Variants in PML observed in about 807,000 individuals in gnomAD.
PML encodes the protein PML nuclear body scaffold, also known as protein PML.
A neutral mutation model predicts 65.2 loss-of-function variants in PML; 28 were observed. That is an observed-to-expected ratio of 0.43 (90% CI 0.32 to 0.59). PML has a LOEUF of 0.59. PML is among the 20% of genes least tolerant of loss of function. The probability of loss-of-function intolerance (pLI) is 0.08; values close to 1 mark genes in which losing one functional copy is unlikely to be tolerated. For synonymous variants in PML, 500 were observed against 508.8 expected, an observed-to-expected ratio of 0.98 and a Z score of 0.23; for missense variants, 1,021 against 1,203.4, an observed-to-expected ratio of 0.85 and a Z score of 2.24.
intron 2 of PML, among the ~76,000 whole-genome samples, chr15:74,017,717 G>C (rs1476599802): frequency 2.0e-5 from 3 of 152,172 alleles, no homozygotes; most frequent in African/African-American, 7.2e-5. Context: ...ATAGATGCCA[G>C]GGACTACATC....
chr15:74,023,242 C>T lies in PML; in HGVS notation c.1017C>T (p.Tyr339=), dbSNP rs749092993. ...GSALVQRMKC[Y]ASDQEVLDMH... ...CGCTGGTGCAGAGGATGAAGTGCTA[C>T]GCCTCGGACCAGGAGGTGCTGGACA... The change falls in exon 3 of 9, where the codon TAC becomes TAT. Residue 339 remains tyrosine, a synonymous_variant. Coordinates refer to ENST00000268058, the MANE Select transcript of PML (RefSeq NM_033238.3). The T allele has an allele frequency of 1.2e-6, 2 of 1,610,914 alleles. No individual in the cohort carries two copies. The highest frequency in any genetic ancestry group is 1.3e-5 in the African/African-American group (1 of 74,890).
At chr15:74,038,841 C>T (rs1385658929) in intron 7 of PML, among the ~76,000 whole-genome samples, 1 of 152,188 alleles carries the variant, frequency 6.6e-6, no homozygotes, top group African/African-American at 2.4e-5. Flanking sequence ...TCACCTGTGT[C>T]CTAGGGATTC....
At position 74,023,154 on chromosome 15, in the gene PML, A is replaced by C; in HGVS notation, c.929A>C (p.Glu310Ala). 6.2e-7 allele frequency: 1 copy of C among 1,605,308 alleles called. No individual in the cohort carries two copies. Among genetic ancestry groups the C allele is most frequent in the Non-Finnish European group, 8.5e-7 (1 of 1,177,768 alleles). Reference protein sequence around the residue: ...AVDARYQRDYEEMASRLGRLD... With the variant: ...AVDARYQRDYAEMASRLGRLD... ...GACGCGCGGTACCAGCGCGACTACG[A>C]GGAGATGGCCAGTCGGCTGGGCCGC... Residue 310 changes from glutamate (E) to alanine (A), a missense_variant, in exon 3 of 9, where the codon GAG becomes GCG. Glu to Ala is a moderately radical substitution (Grantham distance 107, BLOSUM62 -1). Coordinates refer to ENST00000268058, the MANE Select transcript of PML (RefSeq NM_033238.3).
In PML at chr15:74,046,163, G is replaced by T; in HGVS notation, c.*1155G>T. On this transcript the variant is annotated 3_prime_UTR_variant, in exon 9 of 9. Coordinates refer to ENST00000268058, the MANE Select transcript of PML (RefSeq NM_033238.3). The stretch of plus-strand genomic sequence containing the variant: ...TGGCTGTGCCATCCTGCATTTTTAG[G>T]AATGGAAAGCAGGCCTCTGAGGCAG... 4.3e-6 allele frequency: 1 copy of T among 233,102 alleles called. No homozygotes were observed. 14.4% of individuals were successfully genotyped at this position (233,102 alleles called of 1,614,324 possible). A position where few individuals can be genotyped will look rare whatever the true frequency, so the allele number is the denominator to read the frequency against.
Position 74,022,936 on chromosome 15 carries a change from G to C in PML, c.711G>C (p.Gln237His), listed in dbSNP as rs780804100. 1.2e-6 allele frequency: 2 copies of C among 1,612,002 alleles called. No homozygotes were observed. The highest frequency in any genetic ancestry group is 1.7e-6 in the Non-Finnish European group (2 of 1,179,208). ...TCAGCGCAGAGATCCAGCAGCGACA[G>C]GAGGAGCTGGACGCCATGACGCAGG... is the stretch of plus-strand genomic sequence containing the variant. ...CDISAEIQQRQEELDAMTQAL... is the reference protein window; with the variant it reads ...CDISAEIQQRHEELDAMTQAL... The change falls in exon 3 of 9, where the codon CAG becomes CAC. Residue 237 changes from glutamine to histidine, a missense_variant. By Grantham distance (24) the Gln-to-His change is conservative. Coordinates refer to ENST00000268058, the MANE Select transcript of PML (RefSeq NM_033238.3).
At chr15:74,014,054 G>T (rs1444199358) in intron 2 of PML, among the ~76,000 whole-genome samples, 4 of 152,188 alleles carry the variant, frequency 2.6e-5, no homozygotes, top group Admixed American at 2.6e-4. Context: ...TATTTGGATT[G>T]TACTTATGAC....
At chr15:74,011,337 C>T (rs1216321467) in intron 2 of PML, among the ~76,000 whole-genome samples, 1 of 152,180 alleles carries the variant, frequency 6.6e-6, no homozygotes, top group Non-Finnish European at 1.5e-5. Context: ...CATATGCTCC[C>T]CCAAAGCTCA....
chr15:74,007,184 A>G (rs2070101866), intron 2 of PML, among the ~76,000 whole-genome samples: 3 of 152,204 alleles, frequency 2.0e-5, no homozygotes, highest in African/African-American at 2.4e-5. Flanking sequence ...GTTTTTTGTC[A>G]TAAGAGCAAA....
chr15:74,015,074 C>T (rs1387375777), intron 2 of PML, among the ~76,000 whole-genome samples: 1 of 152,224 alleles, frequency 6.6e-6, no homozygotes, highest in Non-Finnish European at 1.5e-5. Flanking sequence ...ACAGTGCTTC[C>T]TTTCACCGCT....
intron 2 of PML, among the ~76,000 whole-genome samples, chr15:74,004,072 T>C (rs1404050159): frequency 1.3e-5 from 2 of 152,178 alleles, no homozygotes; most frequent in Non-Finnish European, 2.9e-5. Context: ...TCTCTGTGAG[T>C]AATCTGTTTT....
chr15:74,034,560 TC>T (rs2071460241), intron 7 of PML, 30 bp downstream of exon 7: 2 of 1,614,050 alleles, frequency 1.2e-6, no homozygotes, highest in Admixed American at 3.3e-5. Context: ...AGCCCAGGAC[TC>T]CTGCCTCCCC....
Position 73,998,489 on chromosome 15 carries a change from GCA to G in PML, c.602+16_602+17del. 6.2e-7 allele frequency: 1 copy of G among 1,606,606 alleles called. No individual in the cohort carries two copies. The stretch of plus-strand genomic sequence containing the variant: ...CTACGCTGACCAGGTGAGTAGGCCG[GCA>G]CAGGGTGGGGTGGTGCATCCAAGTA... On this transcript the variant is annotated intron_variant, in intron 2 of 8. Coordinates refer to ENST00000268058, the MANE Select transcript of PML (RefSeq NM_033238.3).
At chr15:74,026,418 C>T (rs2071079883) in intron 4 of PML, 1 of 152,238 alleles carries the variant, frequency 6.6e-6, no homozygotes, top group African/African-American at 2.4e-5. Flanking sequence ...GATCTGCCCG[C>T]CTCGGCCTCC....
At chr15:74,008,949 A>G (rs2070194134) in intron 2 of PML, among the ~76,000 whole-genome samples, 1 of 152,230 alleles carries the variant, frequency 6.6e-6, no homozygotes, top group Non-Finnish European at 1.5e-5. Flanking sequence ...ATACTTATCC[A>G]ATAGAAACTG....
chr15:74,021,477 C>T (rs1183224242), intron 2 of PML, among the ~76,000 whole-genome samples: 2 of 151,834 alleles, frequency 1.3e-5, no homozygotes, highest in African/African-American at 2.4e-5. Flanking sequence ...CCCAGCTACT[C>T]GGGAGGCTGA....
In PML at chr15:74,023,335, C is replaced by G. The variant is rs762830343; in HGVS notation, c.1110C>G (p.Ala370=). ...AGGAGCCCCAGAGCCTGCAAGCTGC[C>G]GTGCGCACCGATGGCTTCGACGAGT... The part of the protein sequence containing the change: ...RQEEPQSLQA[A]VRTDGFDEFK... Residue 370 remains alanine (A), a synonymous_variant, in exon 3 of 9, where the codon GCC becomes GCG. Coordinates refer to ENST00000268058, the MANE Select transcript of PML (RefSeq NM_033238.3). The G allele has an allele frequency of 3.1e-6, 5 of 1,605,466 alleles. No individual in the cohort carries two copies. In the African/African-American group the frequency reaches 6.7e-5, roughly 21 times the overall value.
Position 74,042,770 on chromosome 15 carries a change from T to C in PML, c.1711-219T>C, listed in dbSNP as rs756223074. On this transcript the variant is annotated intron_variant, in intron 7 of 8. Coordinates refer to ENST00000268058, the MANE Select transcript of PML (RefSeq NM_033238.3). This position sits in a 1 kb window ranked among gnomAD's most constrained non-coding sequence, Gnocchi z 5.3. Reference sequence around the variant, plus strand: ...CCTTCCTCCCCTACTCATGAGGGTGTATGCCCTGGTTCATACATGTAACCC... The same window carrying C: ...CCTTCCTCCCCTACTCATGAGGGTGCATGCCCTGGTTCATACATGTAACCC... 1.4e-4 allele frequency: 135 copies of C among 985,178 alleles called. No individual in the cohort carries two copies. The highest frequency in any genetic ancestry group is 9.4e-5 in the South Asian group (2 of 21,280). The allele number at this position is 985,178 out of a possible 1,614,324, so 61.0% of individuals were successfully genotyped here.
In PML at chr15:74,042,336, A is replaced by C. The variant is rs1370029999; in HGVS notation, c.1711-653A>C. 2 of 983,890 alleles carry C rather than the reference A, an allele frequency of 2.0e-6. No individual in the cohort carries two copies. Among genetic ancestry groups the C allele is most frequent in the Non-Finnish European group, 2.4e-6 (2 of 828,608 alleles). 60.9% of individuals were successfully genotyped at this position (983,890 alleles called of 1,614,324 possible). A position where few individuals can be genotyped will look rare whatever the true frequency, so the allele number is the denominator to read the frequency against. ...GGGTGTCCACCTAGATGTGGCCTTC[A>C]GGAGGCCAAGCAGTCCTTCCCCTCG... On this transcript the variant is annotated intron_variant, in intron 7 of 8. Transcript: ENST00000268058. The surrounding 1 kb of genome is among the most constrained non-coding windows in gnomAD (Gnocchi z 5.3).
At chr15:74,026,517 A>T (rs1474834833) in intron 4 of PML, 1 of 152,144 alleles carries the variant, frequency 6.6e-6, no homozygotes, top group Non-Finnish European at 1.5e-5. Context: ...CTATATACAC[A>T]ACCTCAAGTA....
Sources: allele counts gnomAD v4.1 joint callset (sites outside exome capture counted in the v4.1 genomes callset), GRCh38; gene constraint gnomAD v4.1.1; non-coding constraint Gnocchi (gnomAD v3.1); transcripts MANE v1.5; gene names NCBI Gene and HGNC (gene_info 2026-07-23, HGNC 2026-07-21).